RASSF3: variants seen among roughly 807,000 people sequenced by gnomAD.
RASSF3 encodes Ras association domain family member 3.
Under a neutral mutation model 19.9 loss-of-function variants are expected in RASSF3, and 19 were observed. That is an observed-to-expected ratio of 0.96 (90% CI 0.67 to 1.40). The LOEUF (loss-of-function observed/expected upper bound fraction) is 1.40, where lower values mean the gene tolerates loss of function less well. Among genes scored for constraint, RASSF3 ranks in the 40% most tolerant of loss-of-function variants. The pLI is 0.00. For missense variants in RASSF3, 306 were observed against 289.8 expected (o/e 1.06, Z -0.41); for synonymous variants, 110 against 104.2 (o/e 1.06, Z -0.34).
At chr12:64,559,388 C>T (rs1196717002) in intron 2 of RASSF3, among the ~76,000 whole-genome samples, 4 of 150,268 alleles carry the variant, frequency 2.7e-5, no homozygotes, top group African/African-American at 7.4e-5. Flanking sequence ...GGACTACAGG[C>T]GCCTGCCACC....
upstream of RASSF3, among the ~76,000 whole-genome samples, chr12:64,529,181 C>A (rs1868653903): frequency 6.6e-6 from 1 of 152,144 alleles, no homozygotes; most frequent in Non-Finnish European, 1.5e-5. Flanking sequence ...CCTTAAATGT[C>A]TTTTCTAATC....
intron 2 of RASSF3, among the ~76,000 whole-genome samples, chr12:64,589,787 G>A (rs1869884929): frequency 6.6e-6 from 1 of 151,778 alleles, no homozygotes; most frequent in South Asian, 2.1e-4. Flanking sequence ...TGGATCACTT[G>A]AGGTCAGGAG....
At chr12:64,609,472 T>C (rs1870261371), upstream of RASSF3, 1 of 152,210 alleles carries the variant, frequency 6.6e-6, no homozygotes, top group Non-Finnish European at 1.5e-5. Flanking sequence ...CTTCTGAAGC[T>C]CGCTAACTAT....
chr12:64,663,548 G>C (rs947550861), intron 1 of RASSF3, among the ~76,000 whole-genome samples: 2 of 150,452 alleles, frequency 1.3e-5, no homozygotes, highest in South Asian at 4.2e-4. Flanking sequence ...TTGAGATGAA[G>C]TCTTGCTCTG....
chr12:64,515,299 C>T (rs1000931929), intron 1 of RASSF3, among the ~76,000 whole-genome samples: 2 of 152,166 alleles, frequency 1.3e-5, no homozygotes, highest in African/African-American at 2.4e-5. Flanking sequence ...TCAGGTGATC[C>T]ATCTGCCTCT....
intron 2 of RASSF3, among the ~76,000 whole-genome samples, chr12:64,562,238 G>T (rs946224589): frequency 2.0e-5 from 3 of 151,716 alleles, no homozygotes; most frequent in African/African-American, 7.3e-5. Context: ...ACAGAGTTTC[G>T]CCATGTTGGC....
intron 2 of RASSF3, among the ~76,000 whole-genome samples, chr12:64,556,126 T>A (rs1288255220): frequency 6.6e-6 from 1 of 151,932 alleles, no homozygotes. Context: ...AGAGATTGGG[T>A]GGGAAGAGTC....
rs148091733 is a variant in RASSF3 at position 64,518,548 on chromosome 12, C to A, written c.169+11219C>A. On this transcript the variant is annotated intron_variant, in intron 1 of 5. Transcript: ENST00000637125. ...ACCGCAAGGATGGCACCAAGCCATG[C>A]ATGAGGGATCCATCCCCACATTGGG... Among the ~76,000 whole-genome samples, 94 of 152,324 alleles carry A rather than the reference C, an allele frequency of 6.2e-4. No individual in the cohort carries two copies. In the Middle Eastern group the frequency reaches 0.01, roughly 17 times the overall value.
At chr12:64,662,959 A>G (rs1383863139) in intron 1 of RASSF3, among the ~76,000 whole-genome samples, 1 of 152,228 alleles carries the variant, frequency 6.6e-6, no homozygotes, top group Non-Finnish European at 1.5e-5. Flanking sequence ...GAGTGCTTAG[A>G]ATAGTGCTAA....
chr12:64,618,625 C>A (rs1870635096), intron 1 of RASSF3, among the ~76,000 whole-genome samples: 1 of 150,876 alleles, frequency 6.6e-6, no homozygotes, highest in East Asian at 1.9e-4. Context: ...CCACGCCCGG[C>A]CTTTTGTTTT....
At chr12:64,556,919 C>T (rs1173518865) in intron 2 of RASSF3, among the ~76,000 whole-genome samples, 1 of 151,094 alleles carries the variant, frequency 6.6e-6, no homozygotes, top group Non-Finnish European at 1.5e-5. Context: ...TCACTGCAAC[C>T]TCTGCTTCCC....
At chr12:64,525,783 G>T (rs1868572829) in intron 1 of RASSF3, among the ~76,000 whole-genome samples, 2 of 152,032 alleles carry the variant, frequency 1.3e-5, no homozygotes, top group Admixed American at 1.3e-4. Flanking sequence ...TATTACTGTA[G>T]TGTGATCAGA....
intron 1 of RASSF3, among the ~76,000 whole-genome samples, chr12:64,658,394 C>G (rs1242347545): frequency 6.6e-6 from 1 of 152,110 alleles, no homozygotes; most frequent in Non-Finnish European, 1.5e-5. Flanking sequence ...ATAGTCAAGG[C>G]CTTAAGGAAT....
intron 1 of RASSF3, among the ~76,000 whole-genome samples, chr12:64,536,800 T>C (rs1317522564): frequency 6.6e-6 from 1 of 152,230 alleles, no homozygotes; most frequent in Non-Finnish European, 1.5e-5. Context: ...CATGTCTATG[T>C]TTTACTGAAT....
intron 2 of RASSF3, among the ~76,000 whole-genome samples, chr12:64,593,270 G>A (rs117877170): frequency 6.9e-4 from 105 of 152,296 alleles, no homozygotes; most frequent in Middle Eastern, 3.4e-3. Context: ...TACCCAGACT[G>A]GAGTGCAGTA....
chr12:64,651,885 G>C (rs940461595), intron 1 of RASSF3, among the ~76,000 whole-genome samples: 1 of 152,042 alleles, frequency 6.6e-6, no homozygotes, highest in Non-Finnish European at 1.5e-5. Context: ...GCTGTTCTCA[G>C]ACTGGGCTCA....
At chr12:64,684,433 TTG>T (rs775332885) in intron 1 of RASSF3, among the ~76,000 whole-genome samples, 3 of 138,588 alleles carry the variant, frequency 2.2e-5, no homozygotes, top group African/African-American at 7.8e-5. Context: ...GTTTGTTTGT[TTG>T]TTTTTTTTTT....
intron 1 of RASSF3, among the ~76,000 whole-genome samples, chr12:64,662,677 G>A (rs556180260): frequency 1.3e-5 from 2 of 152,328 alleles, no homozygotes; most frequent in South Asian, 2.1e-4. Flanking sequence ...TATGTGTGTT[G>A]AGAAGGAATA....
chr12:64,689,115 T>C (rs902904381), intron 3 of RASSF3, among the ~76,000 whole-genome samples: 5 of 152,144 alleles, frequency 3.3e-5, no homozygotes, highest in African/African-American at 1.2e-4. Flanking sequence ...ATTAAATTAC[T>C]GCGTGAAACA....
Sources: allele counts gnomAD v4.1 joint callset (sites outside exome capture counted in the v4.1 genomes callset), GRCh38; gene constraint gnomAD v4.1.1; transcripts MANE v1.5; gene names NCBI Gene and HGNC (gene_info 2026-07-23, HGNC 2026-07-21).